The following BRI3BP variants were observed in gnomAD, a reference collection of about 807,000 sequenced individuals.
The protein encoded by BRI3BP is BRI3-binding protein.
In BRI3BP, 7 loss-of-function variants were observed where a neutral mutation model predicts 15.8. The ratio of observed to expected loss-of-function variants is 0.44; its 90% confidence interval spans 0.25 to 0.83. BRI3BP has a LOEUF of 0.83. Among genes scored for constraint, BRI3BP ranks in the 40% least tolerant of loss-of-function variants. BRI3BP has a pLI of 0.20. For synonymous variants in BRI3BP, 192 were observed against 163.5 expected (o/e 1.17, Z -1.33); for missense variants, 320 against 339.3 (o/e 0.94, Z 0.45).
In BRI3BP at chr12:125,025,127, C is replaced by G. The variant is rs536551221; in HGVS notation, c.453C>G (p.His151Gln). Residue 151 changes from histidine (H) to glutamine (Q), a missense_variant, in exon 3 of 3, where the codon CAC becomes CAG. By Grantham distance (24) the His-to-Gln change is conservative (BLOSUM62 0). Coordinates refer to ENST00000341446, the MANE Select transcript of BRI3BP (RefSeq NM_080626.6). ...LTLGFTFSVL[H>Q]VVFGRFFWIV... is the part of the protein sequence containing the mutation. ...TGGGCTTCACTTTCAGCGTCCTGCA[C>G]GTGGTGTTCGGCCGCTTCTTCTGGA... is the stretch of plus-strand genomic sequence containing the variant. The G allele has an allele frequency of 6.2e-7, 1 of 1,614,068 alleles. No homozygotes were observed. The highest frequency in any genetic ancestry group is 2.2e-5 in the East Asian group (1 of 44,884).
chr12:125,005,696 G>A (rs938363021), intron 1 of BRI3BP, among the ~76,000 whole-genome samples: 3 of 151,816 alleles, frequency 2.0e-5, no homozygotes, highest in Non-Finnish European at 2.9e-5. Flanking sequence ...GCTTGAACCC[G>A]TGGGGTGGGG....
At chr12:125,021,054 G>C (rs561619498) in intron 2 of BRI3BP, among the ~76,000 whole-genome samples, 2 of 152,308 alleles carry the variant, frequency 1.3e-5, no homozygotes, top group South Asian at 4.1e-4. Context: ...TGAGAGGTCT[G>C]GGAAACACTG....
the BRI3BP span, among the ~76,000 whole-genome samples, chr12:125,036,825 A>T: frequency 8.5e-5 from 13 of 152,178 alleles, no homozygotes; most frequent in Non-Finnish European, 1.6e-4. Flanking sequence ...TAAGAAGAGG[A>T]AAAGACCAGA....
At chr12:125,023,560 T>TCAAA (rs1284079782) in intron 2 of BRI3BP, among the ~76,000 whole-genome samples, 1 of 152,174 alleles carries the variant, frequency 6.6e-6, no homozygotes, top group African/African-American at 2.4e-5. Flanking sequence ...GTGAAAGTTG[T>TCAAA]CTTTTGAGAC....
At chr12:125,009,572 G>A (rs1955178775) in intron 1 of BRI3BP, among the ~76,000 whole-genome samples, 1 of 151,982 alleles carries the variant, frequency 6.6e-6, no homozygotes, top group African/African-American at 2.4e-5. Flanking sequence ...TTACAGGCGT[G>A]AGCCACCAGG....
rs1391143992 is a variant in BRI3BP, at chr12:125,022,537, A to ATTTTTTTTTTTTTTTTTTTTTT, written c.317-2451_317-2450insTTTTTTTTTTTTTTTTTTTTTT. 3.3e-4 allele frequency among the ~76,000 whole-genome samples: 23 copies of ATTTTTTTTTTTTTTTTTTTTTT among 70,618 alleles called. 1 individual carries two copies. Among genetic ancestry groups the ATTTTTTTTTTTTTTTTTTTTTT allele is most frequent in the African/African-American group, 1.1e-3 (14 of 12,786 alleles). 46.3% of individuals were successfully genotyped at this position (70,618 alleles called of 152,430 possible). On this transcript the variant is annotated intron_variant, in intron 2 of 2. Coordinates refer to ENST00000341446, the MANE Select transcript of BRI3BP (RefSeq NM_080626.6). ...TAATTTATTATTTATTTATTTATTT[A>ATTTTTTTTTTTTTTTTTTTTTT]TTTATTTTTTGAGACAGAGCCTCAC... is the stretch of plus-strand genomic sequence containing the variant.
intron 1 of BRI3BP, among the ~76,000 whole-genome samples, chr12:124,996,757 CTTT>C (rs35063111): frequency 2.3e-5 from 3 of 132,596 alleles, no homozygotes; most frequent in Admixed American, 7.9e-5. Context: ...ACCCCATAGT[CTTT>C]TTTTTTTTTT....
chr12:125,014,676 G>A (rs948339684), intron 2 of BRI3BP, among the ~76,000 whole-genome samples: 4 of 152,190 alleles, frequency 2.6e-5, no homozygotes, highest in Non-Finnish European at 5.9e-5. Flanking sequence ...GGGAACGCAG[G>A]TGTTGTCATA....
In BRI3BP at chr12:125,009,925, A is replaced by C. The variant is rs1036516550; in HGVS notation, c.214-2609A>C. ...GAGACCAGCCTGGCCAGCATGGTGA[A>C]ACCCCATCTCTACTAAAAATACAAA... On this transcript the variant is annotated intron_variant, in intron 1 of 2. Transcript: ENST00000341446. 2.6e-5 allele frequency among the ~76,000 whole-genome samples: 4 copies of C among 152,062 alleles called. 1 individual carries two copies. The highest frequency in any genetic ancestry group is 5.9e-5 in the Non-Finnish European group (4 of 68,000).
Position 125,029,571 on chromosome 12 carries a change from T to TAC in BRI3BP, c.*4142_*4143insCA, listed in dbSNP as rs1955391445. On this transcript the variant is annotated 3_prime_UTR_variant, in exon 3 of 3. Coordinates refer to ENST00000341446, the MANE Select transcript of BRI3BP (RefSeq NM_080626.6). ...GTGTGTGTGTGTGTATATATATGTATATATATATACACACACACACACTTT... is the reference window on the plus strand; with the variant it reads ...GTGTGTGTGTGTGTATATATATGTATACATATATATACACACACACACACTTT... 1 of 144,010 alleles carries TAC rather than the reference T, an allele frequency of 6.9e-6. No homozygotes were observed. The highest frequency in any genetic ancestry group is 2.0e-4 in the East Asian group (1 of 5,038). The allele number at this position is 144,010 out of a possible 1,614,324, so 8.9% of individuals were successfully genotyped here.
At chr12:125,042,220 G>C in the BRI3BP span, among the ~76,000 whole-genome samples, 1 of 152,064 alleles carries the variant, frequency 6.6e-6, no homozygotes, top group Admixed American at 6.6e-5. Flanking sequence ...GTGTGTCTTG[G>C]GGGTTTTGTG....
intron 2 of BRI3BP, 91 bp from the exon 3 acceptor site, chr12:125,024,900 C>A: frequency 1.7e-6 from 2 of 1,200,944 alleles, no homozygotes; most frequent in South Asian, 1.5e-5. Flanking sequence ...CCTTTTAAGC[C>A]CCACAGGCCA....
chr12:125,031,821 C>T (rs1955408480), downstream of BRI3BP, among the ~76,000 whole-genome samples: 1 of 152,082 alleles, frequency 6.6e-6, no homozygotes, highest in Non-Finnish European at 1.5e-5. Flanking sequence ...AGCCATCATG[C>T]CCAGCCTTAA....
intron 1 of BRI3BP, among the ~76,000 whole-genome samples, chr12:125,010,057 G>A (rs1955184151): frequency 6.6e-6 from 1 of 151,862 alleles, no homozygotes; most frequent in Non-Finnish European, 1.5e-5. Flanking sequence ...AGTCGAGATT[G>A]CACCAGTGCA....
the BRI3BP span, among the ~76,000 whole-genome samples, chr12:125,042,886 G>A: frequency 1.0e-3 from 156 of 152,180 alleles, no homozygotes; most frequent in African/African-American, 3.7e-3. Flanking sequence ...GGCCTCAAGT[G>A]ATGCTCCTGC....
chr12:125,044,216 G>A, the BRI3BP span, among the ~76,000 whole-genome samples: 5 of 151,846 alleles, frequency 3.3e-5, no homozygotes, highest in East Asian at 1.9e-4. Flanking sequence ...GCAGTGGCGC[G>A]ATCTTGGCTC....
chr12:125,033,450 C>T (rs551621138), downstream of BRI3BP, among the ~76,000 whole-genome samples: 10 of 152,242 alleles, frequency 6.6e-5, no homozygotes, highest in South Asian at 2.1e-4. Flanking sequence ...CATGAGTGCT[C>T]GTCAAAGCCG....
At chr12:125,006,025 G>C (rs1485567313) in intron 1 of BRI3BP, among the ~76,000 whole-genome samples, 1 of 152,120 alleles carries the variant, frequency 6.6e-6, no homozygotes, top group Non-Finnish European at 1.5e-5. Context: ...CCCTCTCCCT[G>C]TGTCTTCGAG....
intron 2 of BRI3BP, among the ~76,000 whole-genome samples, chr12:125,019,165 C>A (rs1276836296): frequency 6.6e-6 from 1 of 152,134 alleles, no homozygotes; most frequent in African/African-American, 2.4e-5. Flanking sequence ...GCCTTCTACT[C>A]CTTTTTAGCT....
Sources: gnomAD v4.1 joint callset for allele counts (sites outside exome capture counted in the v4.1 genomes callset) on GRCh38, gnomAD v4.1.1 for gene constraint, MANE v1.5 for transcripts, NCBI Gene and HGNC (gene_info 2026-07-23, HGNC 2026-07-21) for gene names.